SYT14: variants seen among roughly 807,000 people sequenced by gnomAD.
The protein encoded by SYT14 is synaptotagmin 14.
In SYT14, 32 loss-of-function variants were observed where a neutral mutation model predicts 74.2. The ratio of observed to expected loss-of-function variants is 0.43; its 90% CI spans 0.33 to 0.58. The LOEUF (loss-of-function observed/expected upper bound fraction) is 0.58, where lower values mean the gene tolerates loss of function less well. Ranked by LOEUF, SYT14 falls within the 20% of genes least tolerant of loss-of-function variation. SYT14 has a pLI of 0.05. For missense variants in SYT14, 791 were observed against 981.8 expected (o/e 0.81, Z 2.60); for synonymous variants, 298 against 337.7 (o/e 0.88, Z 1.29).
intron 2 of SYT14, among the ~76,000 whole-genome samples, chr1:209,972,568 A>G (rs999298062): frequency 1.3e-5 from 2 of 152,064 alleles, no homozygotes; most frequent in Non-Finnish European, 2.9e-5. Context: ...TTTATTTTAA[A>G]GATTTTTTAA....
intron 5 of SYT14, among the ~76,000 whole-genome samples, chr1:210,065,462 C>G (rs1483216967): frequency 6.6e-6 from 1 of 151,948 alleles, no homozygotes; most frequent in East Asian, 1.9e-4. Flanking sequence ...TTGTGAGTTT[C>G]CTGAGGCCTC....
At chr1:210,160,652 A>G in intron 9 of SYT14, 77 bp from the exon 9 acceptor site, 2 of 1,276,396 alleles carry the variant, frequency 1.6e-6, no homozygotes, top group South Asian at 2.6e-5. Context: ...TAAATACTTA[A>G]TTTTCTTAGC....
rs143174281 is a variant in SYT14 at position 210,029,948 on chromosome 1, A to C, written c.1312+8694A>C. ...AATGTTTTACAGTTTTCACCGTACA[A>C]GTCTTTCACCTCCTTAGTTAAGTTT... On this transcript the variant is annotated intron_variant, in intron 5 of 9. Transcript: ENST00000637265. 4.3e-4 allele frequency among the ~76,000 whole-genome samples: 65 copies of C among 152,244 alleles called. 1 individual carries two copies. Among genetic ancestry groups the C allele is most frequent in the African/African-American group, 1.4e-3 (60 of 41,564 alleles).
At chr1:209,989,587 A>G (rs565132662) in intron 2 of SYT14, among the ~76,000 whole-genome samples, 1 of 152,328 alleles carries the variant, frequency 6.6e-6, no homozygotes, top group South Asian at 2.1e-4. Flanking sequence ...AAATGGTGAT[A>G]TAAATGTAGT....
chr1:210,052,316 G>C (rs1329916544), intron 5 of SYT14, among the ~76,000 whole-genome samples: 1 of 150,244 alleles, frequency 6.7e-6, no homozygotes, highest in Non-Finnish European at 1.5e-5. Flanking sequence ...CGCCTCCCGG[G>C]TTCACGCCAT....
intron 7 of SYT14, among the ~76,000 whole-genome samples, 153 bp downstream of exon 6, chr1:210,100,614 A>G (rs1262550437): frequency 2.0e-5 from 3 of 152,188 alleles, no homozygotes; most frequent in African/African-American, 7.2e-5. Context: ...CCCTGGATAG[A>G]TAGATATACT....
intron 5 of SYT14, among the ~76,000 whole-genome samples, chr1:210,060,156 C>G (rs1000380366): frequency 2.0e-5 from 3 of 152,152 alleles, no homozygotes; most frequent in African/African-American, 4.8e-5. Context: ...ACTCAGGAGA[C>G]TTGTAAATAG....
At chr1:209,958,296 G>A (rs537286333) in intron 2 of SYT14, among the ~76,000 whole-genome samples, 2 of 151,992 alleles carry the variant, frequency 1.3e-5, no homozygotes, top group Admixed American at 6.5e-5. Context: ...TTATTGAAGT[G>A]TTGTGATTCT....
rs529790415 is a variant in SYT14 at position 210,050,222 on chromosome 1, C to G, written c.1312+28968C>G. On this transcript the variant is annotated intron_variant, in intron 5 of 9. Transcript: ENST00000637265. ...GCCAGATACCCTAAATCATCTCTCT[C>G]AAGTTCAAATTTCCACAAATCTCTG... Among the ~76,000 whole-genome samples, 5 of 152,314 alleles carry G rather than the reference C, an allele frequency of 3.3e-5. No homozygotes were observed. The East Asian group carries it at 9.6e-4, about 29-fold the overall frequency.
At position 209,943,840 on chromosome 1, in the gene SYT14, G is replaced by A. The variant is rs1440826131; in HGVS notation, c.-534+5563G>A. Among the ~76,000 whole-genome samples the A allele has an allele frequency of 3.3e-5, 5 of 151,928 alleles. No homozygotes were observed. The East Asian group carries it at 5.8e-4, about 18-fold the overall frequency. On this transcript the variant is annotated intron_variant, in intron 1 of 9. Coordinates refer to ENST00000637265, the Ensembl canonical transcript of SYT14. ...AACTACTATATATAAAACATTTCAC[G>A]CTTTTGAGTAAAATGATTATATGCA...
intron 5 of SYT14, among the ~76,000 whole-genome samples, chr1:210,027,039 T>C (rs1363969921): frequency 6.6e-6 from 1 of 152,132 alleles, no homozygotes; most frequent in African/African-American, 2.4e-5. Flanking sequence ...AATTCACATA[T>C]AATTTTTGAT....
intron 5 of SYT14, among the ~76,000 whole-genome samples, chr1:210,038,770 G>T (rs747233369): frequency 1.6e-4 from 24 of 152,072 alleles, no homozygotes; most frequent in Middle Eastern, 3.2e-3. Flanking sequence ...TACAGTTTCT[G>T]CTGGGAAGTC....
intron 7 of SYT14, among the ~76,000 whole-genome samples, chr1:210,106,395 G>T (rs745428145): frequency 1.3e-5 from 2 of 152,078 alleles, no homozygotes; most frequent in African/African-American, 4.8e-5. Context: ...GTTGGTTGCC[G>T]CTTGTATTAG....
intron 5 of SYT14, among the ~76,000 whole-genome samples, chr1:210,064,059 A>AT (rs1398490510): frequency 6.6e-6 from 1 of 151,894 alleles, no homozygotes; most frequent in Non-Finnish European, 1.5e-5. Flanking sequence ...ACACTAGTGA[A>AT]TTTTTTCTAT....
rs17015619 is a variant in SYT14 at position 210,120,957 on chromosome 1, C to T, written c.2034+20496C>T. ...ATAGGAGAAATCTGCCATTTTAGTG[C>T]CAAAGTTGTTAGATATTCAAGACCA... On this transcript the variant is annotated intron_variant, in intron 7 of 9. Coordinates refer to ENST00000637265, the Ensembl canonical transcript of SYT14. Among the ~76,000 whole-genome samples, 1,204 of 151,918 alleles carry T rather than the reference C, an allele frequency of 7.9e-3. 20 individuals are homozygous for T. Among genetic ancestry groups the T allele is most frequent in the African/African-American group, 0.028 (1,150 of 41,406 alleles).
Position 210,162,300 on chromosome 1 carries a change from AT to A in SYT14, c.*1263del, listed in dbSNP as rs543767078. The A allele has an allele frequency of 1.2e-3, 509 of 442,540 alleles. 3 individuals carry two copies. The highest frequency in any genetic ancestry group is 9.3e-3 in the African/African-American group (460 of 49,616). The allele number at this position is 442,540 out of a possible 1,614,324, so 27.4% of individuals were successfully genotyped here. A position where few individuals can be genotyped will look rare whatever the true frequency, so the allele number is the denominator to read the frequency against. ...TTGTATTTGCAAAATTAAGCCTTCG[AT>A]TTTTATAAATGTAAAGATTCCTCAG... On this transcript the variant is annotated 3_prime_UTR_variant, in exon 10 of 10. Transcript: ENST00000637265.
rs1192775388 is a variant in SYT14, at chr1:210,021,204, C to G, written c.1262C>G (p.Pro421Arg). Reference sequence around the variant, plus strand: ...TGGGAAACAAGGCAGAAATACAGTCCTCTATCGGCAGAGTATGATGGATAC... The same window carrying G: ...TGGGAAACAAGGCAGAAATACAGTCGTCTATCGGCAGAGTATGATGGATAC... The change falls in exon 5 of 10, where the codon CCT (proline) becomes CGT (arginine). Residue 421 changes from proline to arginine, a missense_variant. Transcript: ENST00000637265. 2.5e-6 allele frequency: 4 copies of G among 1,613,852 alleles called. No individual in the cohort carries two copies. In the Admixed American group the frequency reaches 6.7e-5, roughly 27 times the overall value.
intron 6 of SYT14, among the ~76,000 whole-genome samples, chr1:210,099,704 C>T (rs973126184): frequency 6.6e-6 from 1 of 152,124 alleles, no homozygotes; most frequent in African/African-American, 2.4e-5. Context: ...AGCAGATATA[C>T]CCACTAAAGG....
At chr1:209,939,125 G>T in intron 1 of SYT14, among the ~76,000 whole-genome samples, 1 of 152,118 alleles carries the variant, frequency 6.6e-6, no homozygotes, top group East Asian at 1.9e-4. Flanking sequence ...TCTATATTTT[G>T]CCTTGTTTTT....
Sources: allele counts gnomAD v4.1 joint callset (sites outside exome capture counted in the v4.1 genomes callset), GRCh38; gene constraint gnomAD v4.1.1; transcripts MANE v1.5; gene names NCBI Gene and HGNC (gene_info 2026-07-23, HGNC 2026-07-21).